FHAD1: variants seen among roughly 807,000 people sequenced by gnomAD.
The protein encoded by FHAD1 is forkhead associated phosphopeptide binding domain 1.
A neutral mutation model predicts 191.3 loss-of-function variants in FHAD1; 146 were observed. That is an observed-to-expected ratio of 0.76 (90% CI 0.67 to 0.88). The LOEUF is 0.88. Ranked by LOEUF, FHAD1 falls within the 40% of genes least tolerant of loss-of-function variation. The pLI, the probability that FHAD1 is intolerant of heterozygous loss-of-function variation, is 0.00. For synonymous variants in FHAD1, 616 were observed against 672.3 expected, an observed-to-expected ratio of 0.92 and a Z score of 1.29; for missense variants, 1,635 against 1,785.8, an observed-to-expected ratio of 0.92 and a Z score of 1.52.
At chr1:15,246,740 G>A (rs1338808534), upstream of FHAD1, among the ~76,000 whole-genome samples, 1 of 152,136 alleles carries the variant, frequency 6.6e-6, no homozygotes, top group Non-Finnish European at 1.5e-5. Context: ...GCACATGGAA[G>A]AAATCCTCAT....
At chr1:15,271,140 G>GGA (rs778934037) in intron 2 of FHAD1, among the ~76,000 whole-genome samples, 1 of 76,678 alleles carries the variant, frequency 1.3e-5, no homozygotes, top group African/African-American at 5.4e-5. Flanking sequence ...CTCCATCTCG[G>GGA]AAAAAAAAAA....
chr1:15,378,133 G>A (rs1020728338), intron 28 of FHAD1, among the ~76,000 whole-genome samples: 8 of 152,286 alleles, frequency 5.3e-5, no homozygotes, highest in African/African-American at 7.2e-5. Flanking sequence ...GCAATACCCC[G>A]TCTCTGCTAA....
At chr1:15,336,107 C>G (rs1217028129) in intron 14 of FHAD1, among the ~76,000 whole-genome samples, 1 of 152,166 alleles carries the variant, frequency 6.6e-6, no homozygotes, top group Admixed American at 6.5e-5. Context: ...TACTCTCAAG[C>G]CTCCAAACCC....
downstream of FHAD1, chr1:15,399,820 C>A (rs1240495101): frequency 6.6e-6 from 1 of 152,188 alleles, no homozygotes; most frequent in Non-Finnish European, 1.5e-5. Flanking sequence ...AGATAAAAAA[C>A]CCACAGAGGC....
chr1:15,340,100 A>G (rs1273858261), intron 15 of FHAD1, among the ~76,000 whole-genome samples: 2 of 152,220 alleles, frequency 1.3e-5, no homozygotes, highest in African/African-American at 4.8e-5. Context: ...TGCTGGGATT[A>G]CAGGCGTGAG....
rs1003240020 is a variant in FHAD1, at chr1:15,367,592, G to A, written c.3284G>A (p.Arg1095Gln). 1.1e-5 allele frequency: 17 copies of A among 1,548,696 alleles called. No individual in the cohort carries two copies. Among genetic ancestry groups the A allele is most frequent in the East Asian group, 9.8e-5 (4 of 40,880 alleles). Residue 1095 changes from arginine (R) to glutamine (Q), a missense_variant, in exon 25 of 34, where the codon CGG becomes CAG. Physicochemically the swap from Arg to Gln is conservative, Grantham distance 43 (BLOSUM62 1). Transcript: ENST00000688493. ...QMSSLVEKKD[R>Q]ELKALEEALR... ...AGCAGCCTGGTAGAAAAGAAAGATC[G>A]GGAGCTGAAGGCCCTTGAGGAGGCA...
intron 22 of FHAD1, 29 bp from the exon 23 acceptor site, chr1:15,362,613 C>T (rs1444097171): frequency 1.3e-6 from 2 of 1,527,992 alleles, no homozygotes; most frequent in African/African-American, 1.4e-5. Context: ...AGTTTCCTCT[C>T]ACAATGATCA....
chr1:15,400,854 G>A (rs534180393), downstream of FHAD1, among the ~76,000 whole-genome samples: 49 of 152,336 alleles, frequency 3.2e-4, no homozygotes, highest in African/African-American at 1.2e-3. Flanking sequence ...CAGTGCACAA[G>A]CACTTTTCAA....
rs570569622 is a variant in FHAD1, at chr1:15,389,447, C to CAAAAAAAAAAA, written c.4269+1327_4269+1337dup. ...TGAGCAACAGAGGAAGAACCTGTCT[C>CAAAAAAAAAAA]AAAAAAAAAAAAAAAAAAAAACCTG... On this transcript the variant is annotated intron_variant, in intron 32 of 33. Coordinates refer to ENST00000688493, the MANE Select transcript of FHAD1 (RefSeq NM_001391957.1). 1.6e-3 allele frequency among the ~76,000 whole-genome samples: 86 copies of CAAAAAAAAAAA among 54,214 alleles called. 3 individuals are homozygous for CAAAAAAAAAAA. The highest frequency in any genetic ancestry group is 2.1e-3 in the Non-Finnish European group (60 of 28,986). The allele number at this position is 54,214 out of a possible 152,430, so 35.6% of individuals were successfully genotyped here.
chr1:15,293,686 C>G (rs1268472030), intron 4 of FHAD1, among the ~76,000 whole-genome samples: 1 of 152,132 alleles, frequency 6.6e-6, no homozygotes, highest in Non-Finnish European at 1.5e-5. Context: ...CCACTGCACT[C>G]CAGCCTGGGC....
At chr1:15,362,528 G>A in intron 22 of FHAD1, 114 bp from the exon 23 acceptor site, 1 of 802,248 alleles carries the variant, frequency 1.2e-6, no homozygotes, top group Non-Finnish European at 2.1e-6. Context: ...TCACAAGGTG[G>A]AGAGGGCTGC....
At chr1:15,252,241 T>C (rs989310286) in intron 2 of FHAD1, among the ~76,000 whole-genome samples, 4 of 152,142 alleles carry the variant, frequency 2.6e-5, no homozygotes, top group African/African-American at 9.7e-5. Flanking sequence ...AACAGCCTTA[T>C]CGAAGCAGCA....
intron 6 of FHAD1, among the ~76,000 whole-genome samples, chr1:15,307,350 C>T (rs188752658): frequency 1.5e-4 from 23 of 152,234 alleles, no homozygotes; most frequent in Admixed American, 1.3e-3. Context: ...TCAGATGAGA[C>T]TTTGACTTTT....
chr1:15,288,358 T>G (rs1663246832), intron 3 of FHAD1, among the ~76,000 whole-genome samples: 1 of 152,276 alleles, frequency 6.6e-6, no homozygotes, highest in Non-Finnish European at 1.5e-5. Context: ...CCACGTTTGC[T>G]CATCCACGGT....
chr1:15,362,677 G>A lies in FHAD1; in HGVS notation c.2998G>A (p.Ala1000Thr). 6.4e-7 allele frequency: 1 copy of A among 1,551,814 alleles called. No homozygotes were observed. The highest frequency in any genetic ancestry group is 8.7e-7 in the Non-Finnish European group (1 of 1,147,002). Residue 1000 changes from alanine to threonine, a missense_variant, in exon 23 of 34, where the codon GCT (alanine) becomes ACT (threonine). Ala to Thr is a moderately conservative substitution (Grantham distance 58). Coordinates refer to ENST00000688493, the MANE Select transcript of FHAD1 (RefSeq NM_001391957.1). ...KEERPQDPLV[A>T]PMTESSAKDM... ...GGAAAGGCCGCAAGACCCTCTGGTG[G>A]CTCCCATGACAGAGAGCAGTGCCAA...
At chr1:15,373,285 C>T (rs1385616200) in intron 26 of FHAD1, among the ~76,000 whole-genome samples, 1 of 151,042 alleles carries the variant, frequency 6.6e-6, no homozygotes, top group African/African-American at 2.4e-5. Context: ...CCGAGGGAGG[C>T]GGATCACGAG....
rs533219059 is a variant in FHAD1, at chr1:15,352,653, T to C, written c.2455-224T>C. On this transcript the variant is annotated intron_variant, in intron 19 of 33. Transcript: ENST00000688493. ...CAGCCCTGAAGTCTTGAATGATGAC[T>C]CACTCTCTCCTTTACACACGTGACT... 1.9e-3 allele frequency among the ~76,000 whole-genome samples: 285 copies of C among 152,274 alleles called. 3 individuals are homozygous for C. The highest frequency in any genetic ancestry group is 1.5e-3 in the Admixed American group (23 of 15,296).
rs10927776 is a variant in FHAD1, at chr1:15,374,620, C to T, written c.3566C>T (p.Ala1189Val). 7.2e-3 allele frequency: 11,205 copies of T among 1,551,318 alleles called. 494 individuals are homozygous for T. The African/African-American group carries it at 0.11, about 15-fold the overall frequency. ...LRARIKELEK[A>V]RSPDHKDHQN... ...GCGCGAATTAAAGAACTCGAGAAGG[C>T]GCGCTCACCAGGTAAGTCTCCTCCT... The change falls in exon 27 of 34, where the codon GCG becomes GTG. Residue 1189 changes from alanine (A) to valine (V), a missense_variant. Coordinates refer to ENST00000688493, the MANE Select transcript of FHAD1 (RefSeq NM_001391957.1).
At chr1:15,275,208 C>T (rs1006523088) in intron 3 of FHAD1, among the ~76,000 whole-genome samples, 8 of 152,214 alleles carry the variant, frequency 5.3e-5, no homozygotes, top group Middle Eastern at 3.4e-3. Flanking sequence ...GTGATCCGCC[C>T]GTCTCAGCCT....
Sources: allele counts gnomAD v4.1 joint callset (sites outside exome capture counted in the v4.1 genomes callset), GRCh38; gene constraint gnomAD v4.1.1; transcripts MANE v1.5; gene names NCBI Gene and HGNC (gene_info 2026-07-23, HGNC 2026-07-21).